PRDM5: variants seen among roughly 807,000 people sequenced by gnomAD.
PRDM5 encodes PR/SET domain 5.
In PRDM5, 56 loss-of-function variants were observed where a neutral mutation model predicts 81.2. The ratio of observed to expected loss-of-function variants is 0.69; its 90% CI spans 0.56 to 0.86. The LOEUF (loss-of-function observed/expected upper bound fraction) is 0.86, where lower values mean the gene tolerates loss of function less well. Ranked by LOEUF, PRDM5 falls within the 40% of genes least tolerant of loss-of-function variation. The probability of loss-of-function intolerance (pLI) is 0.00; values close to 1 mark genes in which losing one functional copy is unlikely to be tolerated. For missense variants in PRDM5, 697 were observed against 770.1 expected, an observed-to-expected ratio of 0.91 and a Z score of 1.12; for synonymous variants, 267 against 256.4, an observed-to-expected ratio of 1.04 and a Z score of -0.39.
intron 10 of PRDM5, among the ~76,000 whole-genome samples, chr4:120,793,812 A>G (rs868116046): frequency 6.6e-6 from 1 of 152,192 alleles, no homozygotes; most frequent in South Asian, 2.1e-4. Flanking sequence ...AAAAAAGATA[A>G]CGTGTGAGTA....
chr4:120,770,659 A>G (rs1489142860), intron 13 of PRDM5, among the ~76,000 whole-genome samples: 1 of 152,146 alleles, frequency 6.6e-6, no homozygotes, highest in Non-Finnish European at 1.5e-5. Context: ...TGGACAGAGC[A>G]AGACTATGTC....
At chr4:120,804,932 A>G (rs1752691931) in intron 8 of PRDM5, among the ~76,000 whole-genome samples, 2 of 152,188 alleles carry the variant, frequency 1.3e-5, no homozygotes, top group African/African-American at 4.8e-5. Flanking sequence ...TGAGAAGATC[A>G]ACAAAATTAA....
chr4:120,758,405 T>C (rs1051859617), intron 13 of PRDM5, among the ~76,000 whole-genome samples: 2 of 152,188 alleles, frequency 1.3e-5, no homozygotes, highest in African/African-American at 4.8e-5. Context: ...CCTCATAATG[T>C]GGCCTTACTT....
chr4:120,826,214 T>C (rs925697346), intron 3 of PRDM5, among the ~76,000 whole-genome samples: 1 of 152,164 alleles, frequency 6.6e-6, no homozygotes, highest in Non-Finnish European at 1.5e-5. Context: ...CCTGCTCCTC[T>C]TCTTCCATCA....
At chr4:120,812,532 T>G (rs1912720) in intron 7 of PRDM5, 41,665 of 163,666 alleles carry the variant, frequency 0.25, 6,109 homozygotes, top group East Asian at 0.36. Context: ...TTAATTTTGC[T>G]GAACATTTTT....
chr4:120,894,748 TA>T (rs1764428215), intron 2 of PRDM5, among the ~76,000 whole-genome samples: 1 of 152,146 alleles, frequency 6.6e-6, no homozygotes, highest in African/African-American at 2.4e-5. Flanking sequence ...GGGACAAAAT[TA>T]AAACAGAGAA....
chr4:120,761,137 G>T (rs1444136905), intron 13 of PRDM5, among the ~76,000 whole-genome samples: 2 of 152,124 alleles, frequency 1.3e-5, no homozygotes, highest in South Asian at 2.1e-4. Flanking sequence ...AATTCTCACT[G>T]CTGGAACACC....
intron 1 of PRDM5, among the ~76,000 whole-genome samples, chr4:120,911,020 T>C (rs1407489454): frequency 1.3e-5 from 2 of 152,330 alleles, no homozygotes; most frequent in East Asian, 1.9e-4. Flanking sequence ...TTGCAAGAAC[T>C]TTCCTAGACT....
intron 14 of PRDM5, among the ~76,000 whole-genome samples, chr4:120,723,178 T>A (rs1738877454): frequency 1.3e-5 from 2 of 152,186 alleles, no homozygotes; most frequent in Admixed American, 1.3e-4. Flanking sequence ...AGTCAGTGAC[T>A]GGCTATTAAA....
intron 10 of PRDM5, among the ~76,000 whole-genome samples, chr4:120,786,984 A>C (rs1749848408): frequency 6.6e-6 from 1 of 152,218 alleles, no homozygotes; most frequent in Admixed American, 6.6e-5. Flanking sequence ...CCATGAACCA[A>C]AAGACAATGT....
intron 13 of PRDM5, among the ~76,000 whole-genome samples, chr4:120,756,773 A>C (rs1262920830): frequency 6.6e-6 from 1 of 152,240 alleles, no homozygotes; most frequent in Non-Finnish European, 1.5e-5. Flanking sequence ...CTTTAGTGAT[A>C]GATAATAAAC....
At chr4:120,757,915 T>TCCTC (rs928720994) in intron 13 of PRDM5, among the ~76,000 whole-genome samples, 1 of 151,576 alleles carries the variant, frequency 6.6e-6, no homozygotes, top group Non-Finnish European at 1.5e-5. Flanking sequence ...CTCTCTCCCT[T>TCCTC]CCTCCCTCCC....
chr4:120,771,325 A>G (rs1747261654), intron 13 of PRDM5, among the ~76,000 whole-genome samples: 1 of 152,178 alleles, frequency 6.6e-6, no homozygotes, highest in African/African-American at 2.4e-5. Flanking sequence ...TATGGCAAGG[A>G]GAACAATTTA....
chr4:120,854,327 T>C (rs918859191), intron 2 of PRDM5, among the ~76,000 whole-genome samples: 1 of 152,142 alleles, frequency 6.6e-6, no homozygotes, highest in South Asian at 2.1e-4. Context: ...ATAAAACTTA[T>C]ATACCAATCA....
intron 8 of PRDM5, among the ~76,000 whole-genome samples, chr4:120,805,756 G>A (rs1396966104): frequency 6.6e-6 from 1 of 152,126 alleles, no homozygotes; most frequent in African/African-American, 2.4e-5. Flanking sequence ...TACTGAGTGG[G>A]CAAAAACTGG....
intron 2 of PRDM5, among the ~76,000 whole-genome samples, chr4:120,891,220 A>C (rs1319355481): frequency 6.6e-6 from 1 of 152,068 alleles, no homozygotes; most frequent in African/African-American, 2.4e-5. Context: ...CTCATTATTG[A>C]ATCTGTTCAA....
At position 120,840,677 on chromosome 4, in the gene PRDM5, G is replaced by T. The variant is rs540179504; in HGVS notation, c.300+12741C>A. 1.3e-5 allele frequency among the ~76,000 whole-genome samples: 2 copies of T among 152,086 alleles called. 1 individual carries two copies. The highest frequency in any genetic ancestry group is 4.8e-5 in the African/African-American group (2 of 41,370). On this transcript the variant is annotated intron_variant, in intron 3 of 15. Transcript: ENST00000264808. ...GCCCCTCTCTGCCCAACCTGGGACC[G>T]CAATATGGGGCCCCTCTGTCCATCA...
Position 120,692,056 on chromosome 4 carries a change from C to A in PRDM5, c.*3055G>T, listed in dbSNP as rs1300559245. Reference sequence around the variant, plus strand: ...GTAAAATTTTAGGATTTTAAAGAGGCACATTTCCTCCTACCTACCCACTTC... The same window carrying A: ...GTAAAATTTTAGGATTTTAAAGAGGAACATTTCCTCCTACCTACCCACTTC... On this transcript the variant is annotated 3_prime_UTR_variant, in exon 16 of 16. Coordinates refer to ENST00000264808, the MANE Select transcript of PRDM5 (RefSeq NM_018699.4). The A allele has an allele frequency of 6.6e-6, 1 of 152,020 alleles. No individual in the cohort carries two copies. The highest frequency in any genetic ancestry group is 2.4e-5 in the African/African-American group (1 of 41,412). 9.4% of individuals were successfully genotyped at this position (152,020 alleles called of 1,614,324 possible).
intron 2 of PRDM5, among the ~76,000 whole-genome samples, chr4:120,870,123 C>T (rs377167232): frequency 9.2e-5 from 14 of 151,584 alleles, no homozygotes; most frequent in African/African-American, 1.5e-4. Flanking sequence ...GAAGGGAAGA[C>T]GGAGGAGACA....
Sources: allele counts gnomAD v4.1 joint callset (sites outside exome capture counted in the v4.1 genomes callset), GRCh38; gene constraint gnomAD v4.1.1; transcripts MANE v1.5; gene names NCBI Gene and HGNC (gene_info 2026-07-23, HGNC 2026-07-21).